Variants in NEGR1 observed in about 807,000 individuals in gnomAD.
NEGR1 encodes the protein IgLON family member 4.
In NEGR1, 10 loss-of-function variants were observed where a neutral mutation model predicts 40.9. The observed-to-expected ratio is 0.24, with a 90% CI of 0.15 to 0.42. The LOEUF is 0.42. Among genes scored for constraint, NEGR1 ranks in the 10% least tolerant of loss-of-function variants. NEGR1 has a pLI of 1.00. For missense variants in NEGR1, 352 were observed against 438.9 expected (o/e 0.80, Z 1.77); for synonymous variants, 185 against 166.8 (o/e 1.11, Z -0.84).
chr1:71,942,483 A>ATATATATT (rs1168293461), intron 1 of NEGR1, among the ~76,000 whole-genome samples: 2 of 18,620 alleles, frequency 1.1e-4, no homozygotes, highest in Non-Finnish European at 1.9e-4. Flanking sequence ...ATATATATAT[A>ATATATATT]TTTTTTTTTT....
At chr1:71,759,361 G>A (rs1445695163) in intron 3 of NEGR1, among the ~76,000 whole-genome samples, 2 of 128,654 alleles carry the variant, frequency 1.6e-5, no homozygotes, top group East Asian at 2.4e-4. Context: ...GCAGTGGCAC[G>A]ATCTCGGCTC....
intron 1 of NEGR1, among the ~76,000 whole-genome samples, chr1:71,945,501 G>A (rs1327046105): frequency 6.6e-6 from 1 of 152,120 alleles, no homozygotes; most frequent in East Asian, 1.9e-4. Flanking sequence ...TTTCTATACT[G>A]TCAGAGCACA....
chr1:72,180,137 A>G (rs889611746), intron 1 of NEGR1, among the ~76,000 whole-genome samples: 2 of 152,080 alleles, frequency 1.3e-5, no homozygotes, highest in Non-Finnish European at 2.9e-5. Flanking sequence ...TTATATTACA[A>G]AGACATAGTA....
intron 6 of NEGR1, among the ~76,000 whole-genome samples, chr1:71,460,332 T>C (rs537322917): frequency 8.5e-5 from 13 of 152,262 alleles, no homozygotes; most frequent in Admixed American, 3.9e-4. Flanking sequence ...CGACAGGGCC[T>C]GAGTTAAGGT....
intron 2 of NEGR1, among the ~76,000 whole-genome samples, chr1:71,868,925 A>C (rs1402754675): frequency 6.6e-6 from 1 of 152,028 alleles, no homozygotes; most frequent in African/African-American, 2.4e-5. Context: ...CAGGCCCTTC[A>C]TCAGGCTCTT....
intron 4 of NEGR1, among the ~76,000 whole-genome samples, chr1:71,618,263 CA>C (rs1290502789): frequency 6.6e-6 from 1 of 152,172 alleles, no homozygotes; most frequent in Admixed American, 6.6e-5. Context: ...ATCTGCGACC[CA>C]TTTGTGAATA....
intron 1 of NEGR1, among the ~76,000 whole-genome samples, chr1:72,006,969 G>C (rs12035363): frequency 6.6e-6 from 1 of 151,988 alleles, no homozygotes; most frequent in Non-Finnish European, 1.5e-5. Context: ...GGTTGTTTTT[G>C]TATGTTTTAA....
At chr1:71,769,020 C>T (rs1318534492) in intron 3 of NEGR1, among the ~76,000 whole-genome samples, 1 of 151,956 alleles carries the variant, frequency 6.6e-6, no homozygotes, top group African/African-American at 2.4e-5. Context: ...GCTGTTATGC[C>T]TTGCCTCCTG....
chr1:71,919,300 T>C (rs1431270603), intron 2 of NEGR1, among the ~76,000 whole-genome samples: 1 of 152,156 alleles, frequency 6.6e-6, no homozygotes, highest in South Asian at 2.1e-4. Flanking sequence ...ATCACCAATA[T>C]ACCAAGGCTC....
intron 5 of NEGR1, among the ~76,000 whole-genome samples, chr1:71,599,604 A>G (rs2101530161): frequency 6.6e-6 from 1 of 152,350 alleles, no homozygotes; most frequent in African/African-American, 2.4e-5. Context: ...GTTGAAGAAT[A>G]TCATGCATCA....
At chr1:71,860,979 C>A (rs568150861) in intron 2 of NEGR1, among the ~76,000 whole-genome samples, 15 of 151,998 alleles carry the variant, frequency 9.9e-5, no homozygotes, top group Non-Finnish European at 1.8e-4. Context: ...ATTGAGATGA[C>A]AATTACTAGT....
At chr1:72,087,231 A>C (rs952961203) in intron 1 of NEGR1, among the ~76,000 whole-genome samples, 1 of 152,118 alleles carries the variant, frequency 6.6e-6, no homozygotes, top group Non-Finnish European at 1.5e-5. Flanking sequence ...AGCCTGACCA[A>C]CATGGTCAAA....
rs56219737 is a variant in NEGR1 at position 71,474,717 on chromosome 1, C to CAA, written c.941-67149_941-67148dup. On this transcript the variant is annotated intron_variant, in intron 6 of 6. Coordinates refer to ENST00000357731, the MANE Select transcript of NEGR1 (RefSeq NM_173808.3). The stretch of plus-strand genomic sequence containing the variant: ...TGGGTGGTGGAGCGAGACTCTATCT[C>CAA]AAAAAAAAAAAAAAAAAAAAACAAA... Among the ~76,000 whole-genome samples the CAA allele has an allele frequency of 6.9e-3, 591 of 85,972 alleles. 10 individuals carry two copies. Among genetic ancestry groups the CAA allele is most frequent in the African/African-American group, 0.016 (359 of 21,932 alleles). 56.4% of individuals were successfully genotyped at this position (85,972 alleles called of 152,430 possible).
At position 71,928,131 on chromosome 1, in the gene NEGR1, C is replaced by CATATGTGTATATACACATATGTAT; in HGVS notation, c.409+6947_409+6948insATACATATGTGTATATACACATAT. On this transcript the variant is annotated intron_variant, in intron 2 of 6. Coordinates refer to ENST00000357731, the MANE Select transcript of NEGR1 (RefSeq NM_173808.3). ...ATATACACATATGTATATATACACA[C>CATATGTGTATATACACATATGTAT]ATATGTATATATACACACATATGTA... 1.8e-3 allele frequency among the ~76,000 whole-genome samples: 3 copies of CATATGTGTATATACACATATGTAT among 1,654 alleles called. 1 individual carries two copies. The highest frequency in any genetic ancestry group is 0.01 in the African/African-American group (3 of 298). The allele number at this position is 1,654 out of a possible 152,430, so 1.1% of individuals were successfully genotyped here.
At chr1:71,780,766 G>C (rs1422988391) in intron 2 of NEGR1, among the ~76,000 whole-genome samples, 1 of 152,166 alleles carries the variant, frequency 6.6e-6, no homozygotes, top group Non-Finnish European at 1.5e-5. Flanking sequence ...TGCGTATTTA[G>C]ATGTATCTAC....
intron 2 of NEGR1, among the ~76,000 whole-genome samples, chr1:71,847,539 C>T (rs990834050): frequency 6.6e-6 from 1 of 152,084 alleles, no homozygotes; most frequent in Non-Finnish European, 1.5e-5. Flanking sequence ...TGATGTTACT[C>T]TTGTAATTGT....
intron 6 of NEGR1, among the ~76,000 whole-genome samples, chr1:71,533,065 C>A (rs1318708850): frequency 6.6e-6 from 1 of 151,442 alleles, no homozygotes; most frequent in African/African-American, 2.4e-5. Context: ...GACCAAAATC[C>A]AATTTTATGA....
chr1:71,929,877 A>G (rs1645838599), intron 2 of NEGR1, among the ~76,000 whole-genome samples: 1 of 152,036 alleles, frequency 6.6e-6, no homozygotes, highest in South Asian at 2.1e-4. Context: ...GTATTCATTG[A>G]AAGGATGTTA....
At chr1:71,684,646 G>C (rs1652962486) in intron 4 of NEGR1, among the ~76,000 whole-genome samples, 1 of 152,148 alleles carries the variant, frequency 6.6e-6, no homozygotes, top group South Asian at 2.1e-4. Context: ...TCCCTGCCCT[G>C]TGTGGCCATT....
Sources: allele counts gnomAD v4.1 joint callset (sites outside exome capture counted in the v4.1 genomes callset), GRCh38; gene constraint gnomAD v4.1.1; transcripts MANE v1.5; gene names NCBI Gene and HGNC (gene_info 2026-07-23, HGNC 2026-07-21).